The following SULT1B1 variants were observed in gnomAD, a reference collection of about 807,000 sequenced individuals.
SULT1B1 encodes sulfotransferase 1B1.
In SULT1B1, 28 loss-of-function variants were observed where a neutral mutation model predicts 34.6. The ratio of observed to expected loss-of-function variants is 0.81; its 90% CI spans 0.60 to 1.11. SULT1B1 has a LOEUF of 1.11. Among genes scored for constraint, SULT1B1 ranks in the 50% least tolerant of loss-of-function variants. The probability of loss-of-function intolerance (pLI) is 0.00; values close to 1 mark genes in which losing one functional copy is unlikely to be tolerated. For missense variants in SULT1B1, 374 were observed against 352.2 expected, an observed-to-expected ratio of 1.06 and a Z score of -0.50; for synonymous variants, 147 against 110.2, an observed-to-expected ratio of 1.33 and a Z score of -2.09.
rs143907899 is a variant in SULT1B1 at position 69,737,895 on chromosome 4, G to A, written c.376-3631C>T. On this transcript the variant is annotated intron_variant, in intron 4 of 7. Coordinates refer to ENST00000310613, the MANE Select transcript of SULT1B1 (RefSeq NM_014465.4). Reference sequence around the variant, plus strand: ...TTTTTAACTTTTAGGTCCAGTGGGCGCATGTGCAGATTTGTTGCATATTTG... The same window carrying A: ...TTTTTAACTTTTAGGTCCAGTGGGCACATGTGCAGATTTGTTGCATATTTG... Among the ~76,000 whole-genome samples, 32 of 152,096 alleles carry A rather than the reference G, an allele frequency of 2.1e-4. 1 individual carries two copies. The East Asian group carries it at 3.7e-3, about 17-fold the overall frequency.
At chr4:69,755,778 G>A (rs184522359) in intron 1 of SULT1B1, among the ~76,000 whole-genome samples, 154 of 152,116 alleles carry the variant, frequency 1.0e-3, no homozygotes, top group African/African-American at 3.3e-3. Flanking sequence ...GTGTGTGCAC[G>A]CGCGTATACA....
At chr4:69,741,606 G>C (rs1171915549) in intron 4 of SULT1B1, among the ~76,000 whole-genome samples, 2 of 152,068 alleles carry the variant, frequency 1.3e-5, no homozygotes, top group Non-Finnish European at 2.9e-5. Context: ...TTACCTCTTT[G>C]ATTAGCTATA....
rs1719139437 is a variant in SULT1B1 at position 69,755,137 on chromosome 4, GT to G, written c.80del (p.Asn27ThrfsTer16). ...TATGGAACTGTTCAATTTTTTCCCA[GT>G]TGCTTGCAAAAGCACAGGTCATGGG... ...GYPMTCAFAS[N>X]WEKIEQFHSR... On this transcript the variant is annotated frameshift_variant, in exon 2 of 8. Transcript: ENST00000310613. LOFTEE classifies it high-confidence loss of function. 1 of 1,613,918 alleles carries G rather than the reference GT, an allele frequency of 6.2e-7. No homozygotes were observed. The highest frequency in any genetic ancestry group is 1.3e-5 in the African/African-American group (1 of 75,034).
chr4:69,755,200 A>G lies in SULT1B1; in HGVS notation c.18T>C (p.Asp6=), dbSNP rs759169469. The G allele has an allele frequency of 9.3e-6, 15 of 1,613,606 alleles. No homozygotes were observed. The change falls in exon 2 of 8, where the codon GAT becomes GAC. Residue 6 remains aspartate, a synonymous_variant. Transcript: ENST00000310613. Reference sequence around the variant, plus strand: ...CCAACTTCAGATCTTTTCGCAGAATATCTTTTGGGGAAAGCATTTTAATAC... The same window carrying G: ...CCAACTTCAGATCTTTTCGCAGAATGTCTTTTGGGGAAAGCATTTTAATAC... MLSPK[D]ILRKDLKLVH...
chr4:69,727,194 G>T lies in SULT1B1; in HGVS notation c.785C>A (p.Ala262Asp), dbSNP rs748523149. ...SKSPFMRKGT[A>D]GDWKNYFTVA... ...GGTGAAGTAATTCTTCCAGTCACCA[G>T]CCGTCCCTAAAGGTAAATAAAAAAA... is the stretch of plus-strand genomic sequence containing the variant. The change falls in exon 8 of 8, where the codon GCT (alanine) becomes GAT (aspartate). Residue 262 changes from alanine (A) to aspartate (D), a missense_variant. Ala to Asp is a moderately radical substitution (Grantham distance 126). Coordinates refer to ENST00000310613, the MANE Select transcript of SULT1B1 (RefSeq NM_014465.4). 1.2e-6 allele frequency: 2 copies of T among 1,609,136 alleles called. No homozygotes were observed. Among genetic ancestry groups the T allele is most frequent in the Admixed American group, 1.7e-5 (1 of 59,258 alleles).
Position 69,733,427 on chromosome 4 carries a change from C to T in SULT1B1, c.583G>A (p.Glu195Lys). Residue 195 changes from glutamate (E) to lysine (K), a missense_variant, in exon 6 of 8, where the codon GAA becomes AAA. Physicochemically the swap from Glu to Lys is moderately conservative, Grantham distance 56. Coordinates refer to ENST00000310613, the MANE Select transcript of SULT1B1 (RefSeq NM_014465.4). ...EEHPILFLYY[E>K]DMKENPKEEI... Reference sequence around the variant, plus strand: ...TACCATTTTACCTCTTTCATATCTTCATAGTACAAAAAAAGTATTGGGTGT... The same window carrying T: ...TACCATTTTACCTCTTTCATATCTTTATAGTACAAAAAAAGTATTGGGTGT... 1 of 1,604,308 alleles carries T rather than the reference C, an allele frequency of 6.2e-7. No homozygotes were observed. Among genetic ancestry groups the T allele is most frequent in the African/African-American group, 1.3e-5 (1 of 74,526 alleles).
At chr4:69,745,183 C>T (rs1206599243) in intron 4 of SULT1B1, among the ~76,000 whole-genome samples, 2 of 152,148 alleles carry the variant, frequency 1.3e-5, no homozygotes, top group Non-Finnish European at 2.9e-5. Flanking sequence ...TATGTGCCAT[C>T]TGCAGATGAG....
intron 4 of SULT1B1, among the ~76,000 whole-genome samples, chr4:69,740,193 C>T (rs1718488957): frequency 6.6e-6 from 1 of 152,182 alleles, no homozygotes; most frequent in South Asian, 2.1e-4. Context: ...GCCCCACTAC[C>T]TCAGTACCAA....
chr4:69,758,381 C>T (rs1234571921), intron 1 of SULT1B1: 7 of 985,224 alleles, frequency 7.1e-6, no homozygotes, highest in African/African-American at 7.0e-5. Context: ...CAGAAGTCAA[C>T]ATAGTACATT....
intron 7 of SULT1B1, among the ~76,000 whole-genome samples, chr4:69,728,701 A>G (rs1717938175): frequency 6.6e-6 from 1 of 151,984 alleles, no homozygotes; most frequent in Non-Finnish European, 1.5e-5. Flanking sequence ...TTAGACTAAT[A>G]ATGCTTTTTA....
chr4:69,733,628 G>A (rs957105758), intron 5 of SULT1B1, 121 bp from the exon 6 acceptor site: 10 of 668,842 alleles, frequency 1.5e-5, no homozygotes, highest in South Asian at 2.6e-5. Flanking sequence ...AAGAATATGA[G>A]GACAATCTTA....
Position 69,740,865 on chromosome 4 carries a change from T to C in SULT1B1, c.376-6601A>G, listed in dbSNP as rs997079585. On this transcript the variant is annotated intron_variant, in intron 4 of 7. Coordinates refer to ENST00000310613, the MANE Select transcript of SULT1B1 (RefSeq NM_014465.4). ...ATAGTTTGTAAATATTTTCTCGCAT[T>C]TTCTATGCAGAAACTATTTAATTTA... is the stretch of plus-strand genomic sequence containing the variant. 5.9e-5 allele frequency among the ~76,000 whole-genome samples: 9 copies of C among 152,352 alleles called. No homozygotes were observed. The South Asian group carries it at 6.2e-4, about 11-fold the overall frequency.
At position 69,730,686 on chromosome 4, in the gene SULT1B1, TA is replaced by T. The variant is rs764526369; in HGVS notation, c.598-6del. The T allele has an allele frequency of 4.3e-6, 7 of 1,609,848 alleles. No individual in the cohort carries two copies. Among genetic ancestry groups the T allele is most frequent in the Non-Finnish European group, 5.9e-6 (7 of 1,178,606 alleles). On this transcript the variant is annotated splice_region_variant and splice_polypyrimidine_tract_variant and intron_variant, in intron 6 of 7. Transcript: ENST00000310613. ...CTTGATTTCCTCCTTTGGATTCTAT[TA>T]GTGGGTAAAACCCAAGACAATAAAC...
intron 1 of SULT1B1, among the ~76,000 whole-genome samples, 162 bp from the exon 2 acceptor site, chr4:69,755,423 A>G (rs1336473489): frequency 6.6e-6 from 1 of 152,204 alleles, no homozygotes; most frequent in Non-Finnish European, 1.5e-5. Context: ...GTAGATTGCA[A>G]GAGCAGTAAC....
chr4:69,727,124 C>A lies in SULT1B1; in HGVS notation c.855G>T (p.Met285Ile), dbSNP rs753480612. The change falls in exon 8 of 8, where the codon ATG (methionine) becomes ATT (isoleucine). Residue 285 changes from methionine (M) to isoleucine (I), a missense_variant. Met to Ile is a conservative substitution (Grantham distance 10, BLOSUM62 1). Transcript: ENST00000310613. ...TGCGGAATTGAAGTGCAGTTTTGGACATTTCTGTCTCATAAATAGCATCAA... is the reference window on the plus strand; with the variant it reads ...TGCGGAATTGAAGTGCAGTTTTGGAAATTTCTGTCTCATAAATAGCATCAA... ...EKFDAIYETE[M>I]SKTALQFRTE... is the part of the protein sequence containing the mutation. The A allele has an allele frequency of 9.9e-6, 16 of 1,610,794 alleles. No individual in the cohort carries two copies. Among genetic ancestry groups the A allele is most frequent in the Non-Finnish European group, 1.4e-5 (16 of 1,178,434 alleles).
chr4:69,721,879 G>T lies in SULT1B1; in HGVS notation c.*5209C>A, dbSNP rs1172554014. On this transcript the variant is annotated 3_prime_UTR_variant, in exon 8 of 8. Transcript: ENST00000310613. ...CTGTCCTTACATCATGGTTCTGTTA[G>T]AGAAAGATTGTAATATGAGATTATT... 4.6e-5 allele frequency: 7 copies of T among 152,098 alleles called. No homozygotes were observed. Among genetic ancestry groups the T allele is most frequent in the African/African-American group, 7.2e-5 (3 of 41,456 alleles). The allele number at this position is 152,098 out of a possible 1,614,324, so 9.4% of individuals were successfully genotyped here. A position where few individuals can be genotyped will look rare whatever the true frequency, so the allele number is the denominator to read the frequency against.
In SULT1B1 at chr4:69,755,170, A is replaced by T; in HGVS notation, c.48T>A (p.His16Gln). 6.2e-7 allele frequency: 1 copy of T among 1,613,852 alleles called. No individual in the cohort carries two copies. The highest frequency in any genetic ancestry group is 8.5e-7 in the Non-Finnish European group (1 of 1,179,710). ...CAAAAGCACAGGTCATGGGATAACC[A>T]TGGACCAACTTCAGATCTTTTCGCA... is the stretch of plus-strand genomic sequence containing the variant. ...DILRKDLKLV[H>Q]GYPMTCAFAS... The change falls in exon 2 of 8, where the codon CAT becomes CAA. Residue 16 changes from histidine to glutamine, a missense_variant. Physicochemically the swap from His to Gln is conservative, Grantham distance 24. Transcript: ENST00000310613.
At chr4:69,757,845 G>T (rs548492033) in intron 1 of SULT1B1, among the ~76,000 whole-genome samples, 84 of 152,156 alleles carry the variant, frequency 5.5e-4, no homozygotes, top group African/African-American at 1.9e-3. Context: ...ACTGTTTATT[G>T]AGTAATGGAG....
intron 4 of SULT1B1, among the ~76,000 whole-genome samples, chr4:69,737,430 T>C (rs1185735192): frequency 1.3e-5 from 2 of 152,030 alleles, no homozygotes; most frequent in Non-Finnish European, 2.9e-5. Context: ...TGGGTAAAAA[T>C]AGAAGTAAAC....
Sources: gnomAD v4.1 joint callset for allele counts (sites outside exome capture counted in the v4.1 genomes callset) on GRCh38, gnomAD v4.1.1 for gene constraint, MANE v1.5 for transcripts, NCBI Gene and HGNC (gene_info 2026-07-23, HGNC 2026-07-21) for gene names.